Variants in HS6ST3 observed in about 807,000 individuals in gnomAD.
HS6ST3 encodes heparan sulfate 6-O-sulfotransferase 3.
A neutral mutation model predicts 36.7 loss-of-function variants in HS6ST3; 12 were observed. That is an observed-to-expected ratio of 0.33 (90% CI 0.21 to 0.53). The LOEUF (loss-of-function observed/expected upper bound fraction) is 0.53. HS6ST3 is among the 20% of genes least tolerant of loss of function. The pLI is 0.95. For missense variants in HS6ST3, 584 were observed against 640.9 expected, an observed-to-expected ratio of 0.91 and a Z score of 0.96; for synonymous variants, 240 against 257.5, an observed-to-expected ratio of 0.93 and a Z score of 0.65.
In HS6ST3 at chr13:96,492,408, C is replaced by T. The variant is rs1276352174; in HGVS notation, c.708-340082C>T. Among the ~76,000 whole-genome samples the T allele has an allele frequency of 3.3e-5, 5 of 152,334 alleles. No homozygotes were observed. The South Asian group carries it at 8.3e-4, about 25-fold the overall frequency. ...GCTGTAGGGCTGTTGTATAATACCA[C>T]TCTGTGTTGTAAGCACATCTACCTC... On this transcript the variant is annotated intron_variant, in intron 1 of 1. Coordinates refer to ENST00000376705, the MANE Select transcript of HS6ST3 (RefSeq NM_153456.4).
chr13:96,695,344 C>T (rs1236968889), intron 1 of HS6ST3, among the ~76,000 whole-genome samples: 1 of 152,204 alleles, frequency 6.6e-6, no homozygotes, highest in Non-Finnish European at 1.5e-5. Context: ...GTCTGATAGC[C>T]ATTCTCACAT....
intron 1 of HS6ST3, among the ~76,000 whole-genome samples, chr13:96,828,580 G>A (rs1878701236): frequency 6.6e-6 from 1 of 152,014 alleles, no homozygotes; most frequent in Admixed American, 6.5e-5. Flanking sequence ...ATAATCTTGG[G>A]CAGCTTATTT....
Position 96,215,435 on chromosome 13 carries a change from A to C in HS6ST3, c.707+123866A>C, listed in dbSNP as rs183023261. 5.7e-3 allele frequency among the ~76,000 whole-genome samples: 868 copies of C among 152,362 alleles called. 6 individuals are homozygous for C. Among genetic ancestry groups the C allele is most frequent in the Non-Finnish European group, 0.01 (687 of 68,034 alleles). On this transcript the variant is annotated intron_variant, in intron 1 of 1. Coordinates refer to ENST00000376705, the MANE Select transcript of HS6ST3 (RefSeq NM_153456.4). ...TGGGTTTATCCAACCTATCATATAA[A>C]GAAATGTTGCCTTTCCCATGTGTTA...
intron 1 of HS6ST3, among the ~76,000 whole-genome samples, chr13:96,254,641 G>T (rs1469981650): frequency 1.3e-5 from 2 of 151,254 alleles, no homozygotes; most frequent in South Asian, 2.1e-4. Flanking sequence ...CACAGTTCCT[G>T]CTGGAAGAGC....
intron 1 of HS6ST3, among the ~76,000 whole-genome samples, chr13:96,626,461 T>C (rs1379148113): frequency 6.6e-6 from 1 of 152,208 alleles, no homozygotes; most frequent in African/African-American, 2.4e-5. Context: ...TTTTGCTTCA[T>C]TGGTTTATTT....
At chr13:96,396,167 A>T (rs1438940877) in intron 1 of HS6ST3, among the ~76,000 whole-genome samples, 1 of 152,058 alleles carries the variant, frequency 6.6e-6, no homozygotes, top group Non-Finnish European at 1.5e-5. Flanking sequence ...TTCGAAAATT[A>T]GCCGGGTGTA....
intron 1 of HS6ST3, among the ~76,000 whole-genome samples, chr13:96,479,400 AAG>A (rs1222630182): frequency 6.6e-6 from 1 of 152,198 alleles, no homozygotes; most frequent in African/African-American, 2.4e-5. Context: ...AGGCCATGGA[AAG>A]AGTTTCCATT....
chr13:96,150,300 C>T (rs79332594), intron 1 of HS6ST3, among the ~76,000 whole-genome samples: 1,652 of 151,998 alleles, frequency 0.011, 36 homozygotes, highest in African/African-American at 0.038. Flanking sequence ...AAGCACAATT[C>T]GATTGGTTAA....
intron 1 of HS6ST3, among the ~76,000 whole-genome samples, chr13:96,204,714 G>A (rs961946475): frequency 2.6e-5 from 4 of 152,064 alleles, no homozygotes; most frequent in African/African-American, 4.8e-5. Context: ...ACAACTACAT[G>A]GAAATGGAAT....
At chr13:96,535,440 C>T (rs1344624319) in intron 1 of HS6ST3, among the ~76,000 whole-genome samples, 1 of 151,834 alleles carries the variant, frequency 6.6e-6, no homozygotes, top group Non-Finnish European at 1.5e-5. Context: ...TGCCTGTAGT[C>T]CCAGCTACTC....
chr13:96,217,378 A>G (rs1016766061), intron 1 of HS6ST3, among the ~76,000 whole-genome samples: 2 of 152,204 alleles, frequency 1.3e-5, no homozygotes, highest in African/African-American at 2.4e-5. Flanking sequence ...GCATGGGTAT[A>G]ACCCAGGCTA....
At chr13:96,635,390 A>T (rs1013045319) in intron 1 of HS6ST3, among the ~76,000 whole-genome samples, 4 of 151,916 alleles carry the variant, frequency 2.6e-5, no homozygotes, top group Non-Finnish European at 5.9e-5. Context: ...CATTTCTGCT[A>T]TTCCATGCCC....
chr13:96,680,220 A>G (rs936626215), intron 1 of HS6ST3, among the ~76,000 whole-genome samples: 2 of 152,036 alleles, frequency 1.3e-5, no homozygotes, highest in Non-Finnish European at 2.9e-5. Flanking sequence ...CATTTTCTGC[A>G]CTTCCTGATG....
chr13:96,429,301 T>C (rs1002731969), intron 1 of HS6ST3, among the ~76,000 whole-genome samples: 9 of 152,308 alleles, frequency 5.9e-5, no homozygotes, highest in African/African-American at 2.2e-4. Flanking sequence ...AGGTTACCTA[T>C]AGAAGCAGCG....
At chr13:96,651,186 C>G (rs959358598) in intron 1 of HS6ST3, among the ~76,000 whole-genome samples, 11 of 152,010 alleles carry the variant, frequency 7.2e-5, no homozygotes, top group Non-Finnish European at 1.5e-4. Context: ...TATTGAGCTC[C>G]TACTATATGC....
chr13:96,091,551 G>T lies in HS6ST3; in HGVS notation c.689G>T (p.Arg230Leu). 6.3e-7 allele frequency: 1 copy of T among 1,580,188 alleles called. No homozygotes were observed. Among genetic ancestry groups the T allele is most frequent in the South Asian group, 1.1e-5 (1 of 87,690 alleles). Residue 230 changes from arginine (R) to leucine (L), a missense_variant, in exon 1 of 2, where the codon CGC becomes CTC. This residue lies in a region of HS6ST3 where 360 missense variants were observed against 411.3 expected (regional missense o/e 0.88). Transcript: ENST00000376705. ...PAIMEKKDCP[R>L]NHSHTRNFYY... ...ATCATGGAGAAGAAGGACTGTCCCC[G>T]CAACCACAGCCACACCAGGTACTGT... is the stretch of plus-strand genomic sequence containing the variant.
At chr13:96,326,423 C>A (rs921191256) in intron 1 of HS6ST3, among the ~76,000 whole-genome samples, 2 of 147,680 alleles carry the variant, frequency 1.4e-5, no homozygotes, top group Non-Finnish European at 3.0e-5. Flanking sequence ...TGAGAACATG[C>A]GGTGTTTGGT....
intron 1 of HS6ST3, among the ~76,000 whole-genome samples, chr13:96,772,476 AGAAT>A (rs1477572513): frequency 5.3e-5 from 8 of 152,228 alleles, no homozygotes; most frequent in Non-Finnish European, 7.3e-5. Flanking sequence ...TCTAATACTC[AGAAT>A]ATTTTAATAT....
At chr13:96,371,122 A>C (rs1017030888) in intron 1 of HS6ST3, among the ~76,000 whole-genome samples, 1 of 152,208 alleles carries the variant, frequency 6.6e-6, no homozygotes, top group African/African-American at 2.4e-5. Context: ...TTGTGTGAAC[A>C]TGGCATAGTT....
Sources: gnomAD v4.1 joint callset for allele counts (sites outside exome capture counted in the v4.1 genomes callset) on GRCh38, gnomAD v4.1.1 for gene constraint, gnomAD v4.1.1 regional missense constraint, MANE v1.5 for transcripts, NCBI Gene and HGNC (gene_info 2026-07-23, HGNC 2026-07-21) for gene names.